The following LINGO2 variants were observed in gnomAD, a reference collection of about 807,000 sequenced individuals.
LINGO2 encodes leucine-rich repeat and immunoglobulin-like domain-containing nogo receptor-interacting protein 2.
A neutral mutation model predicts 30.6 loss-of-function variants in LINGO2; 14 were observed. The ratio of observed to expected loss-of-function variants is 0.46; its 90% CI spans 0.30 to 0.72. The LOEUF (loss-of-function observed/expected upper bound fraction) is 0.72, where lower values mean the gene tolerates loss of function less well. Among genes scored for constraint, LINGO2 ranks in the 30% least tolerant of loss-of-function variants. LINGO2 has a pLI of 0.07. For missense variants in LINGO2, 729 were observed against 751.7 expected (o/e 0.97, Z 0.35); for synonymous variants, 317 against 288.5 (o/e 1.10, Z -1.00).
the LINGO2 span, among the ~76,000 whole-genome samples, chr9:28,868,881 C>T: frequency 6.6e-6 from 1 of 151,962 alleles, no homozygotes; most frequent in Non-Finnish European, 1.5e-5. Flanking sequence ...ATTTAAGCCC[C>T]CAACTCACAA....
the LINGO2 span, among the ~76,000 whole-genome samples, chr9:29,040,828 T>C: frequency 2.8e-4 from 43 of 152,148 alleles, no homozygotes; most frequent in African/African-American, 9.6e-4. Context: ...TAGAGCCATA[T>C]GGGTAATCAT....
chr9:28,542,010 A>G (rs1379521061), intron 1 of LINGO2, among the ~76,000 whole-genome samples: 2 of 152,142 alleles, frequency 1.3e-5, no homozygotes, highest in South Asian at 2.1e-4. Context: ...GGAAGCACAC[A>G]CTAAAACAGA....
chr9:28,631,768 G>A lies in LINGO2; in HGVS notation c.-365+38432C>T, dbSNP rs189082876. Among the ~76,000 whole-genome samples, 5 of 152,116 alleles carry A rather than the reference G, an allele frequency of 3.3e-5. No individual in the cohort carries two copies. The East Asian group carries it at 9.7e-4, about 29-fold the overall frequency. On this transcript the variant is annotated intron_variant, in intron 1 of 5. Coordinates refer to ENST00000379992, the Ensembl canonical transcript of LINGO2. Reference sequence around the variant, plus strand: ...TCACTTGTGGAGGACAGTGAAATTTGGGACTTCATTCAGACTCAAATTCAT... The same window carrying A: ...TCACTTGTGGAGGACAGTGAAATTTAGGACTTCATTCAGACTCAAATTCAT...
chr9:29,126,235 C>T, the LINGO2 span, among the ~76,000 whole-genome samples: 1 of 151,408 alleles, frequency 6.6e-6, no homozygotes, highest in African/African-American at 2.4e-5. Context: ...AATTGAGTAG[C>T]CAGAACAATG....
At chr9:28,760,750 A>C in the LINGO2 span, among the ~76,000 whole-genome samples, 1 of 151,750 alleles carries the variant, frequency 6.6e-6, no homozygotes, top group Admixed American at 6.6e-5. Context: ...GAGAACACAC[A>C]ATGTTTGGTT....
chr9:28,906,300 G>A, the LINGO2 span, among the ~76,000 whole-genome samples: 1 of 151,876 alleles, frequency 6.6e-6, no homozygotes, highest in South Asian at 2.1e-4. Flanking sequence ...TAGATTTTAA[G>A]TGTGATCACT....
chr9:29,074,395 TA>T, the LINGO2 span, among the ~76,000 whole-genome samples: 8 of 152,256 alleles, frequency 5.3e-5, no homozygotes, highest in South Asian at 2.1e-4. Flanking sequence ...AACGGGCTAA[TA>T]AAAATTACTT....
chr9:28,297,554 G>A (rs1236504841), intron 3 of LINGO2, among the ~76,000 whole-genome samples: 1 of 152,136 alleles, frequency 6.6e-6, no homozygotes, highest in Non-Finnish European at 1.5e-5. Flanking sequence ...AAGATGATTA[G>A]CCTTACCTTA....
chr9:29,189,017 C>A, the LINGO2 span, among the ~76,000 whole-genome samples: 2 of 142,048 alleles, frequency 1.4e-5, no homozygotes, highest in Non-Finnish European at 3.0e-5. Flanking sequence ...GGCTGACCCC[C>A]CCACCTACCT....
At chr9:27,948,812 C>G (rs374218771) in exon 6 of LINGO2, 36 of 1,566,374 alleles carry the variant, frequency 2.3e-5, no homozygotes, top group Non-Finnish European at 7.8e-6. Context: ...TACTGATTAC[C>G]CACATTGACA....
At chr9:28,122,722 C>T (rs925658921) in intron 4 of LINGO2, among the ~76,000 whole-genome samples, 1 of 152,118 alleles carries the variant, frequency 6.6e-6, no homozygotes. Context: ...TTTCCATTTC[C>T]AAGCCACTAT....
At chr9:28,105,012 C>T (rs564665094) in intron 4 of LINGO2, among the ~76,000 whole-genome samples, 1 of 152,224 alleles carries the variant, frequency 6.6e-6, no homozygotes, top group South Asian at 2.1e-4. Flanking sequence ...TATGTACCTC[C>T]TCTGAAGAAC....
chr9:28,841,145 A>C, the LINGO2 span, among the ~76,000 whole-genome samples: 1 of 151,920 alleles, frequency 6.6e-6, no homozygotes, highest in East Asian at 1.9e-4. Flanking sequence ...TACTTATGGA[A>C]TGTTTAATTA....
chr9:27,973,509 T>A lies in LINGO2; in HGVS notation c.-35-22803A>T, dbSNP rs150594089. 1.3e-4 allele frequency among the ~76,000 whole-genome samples: 20 copies of A among 152,312 alleles called. No homozygotes were observed. In the East Asian group the frequency reaches 3.9e-3, roughly 29 times the overall value. ...GAATGGGTCAAATTCTCTTTCTGACTTAACAGCAATAGCTGTGAAACTGAA... is the reference window on the plus strand; with the variant it reads ...GAATGGGTCAAATTCTCTTTCTGACATAACAGCAATAGCTGTGAAACTGAA... On this transcript the variant is annotated intron_variant, in intron 5 of 5. Coordinates refer to ENST00000379992, the Ensembl canonical transcript of LINGO2.
At chr9:29,152,623 G>C in the LINGO2 span, among the ~76,000 whole-genome samples, 1 of 152,020 alleles carries the variant, frequency 6.6e-6, no homozygotes, top group African/African-American at 2.4e-5. Context: ...ATAAAGATGG[G>C]AACAACAGAC....
At chr9:28,635,385 G>A (rs1324338156) in intron 1 of LINGO2, among the ~76,000 whole-genome samples, 1 of 152,066 alleles carries the variant, frequency 6.6e-6, no homozygotes, top group Admixed American at 6.6e-5. Flanking sequence ...TTTAATGATG[G>A]GTGGTATCAT....
chr9:29,031,304 G>A, the LINGO2 span, among the ~76,000 whole-genome samples: 9 of 151,832 alleles, frequency 5.9e-5, no homozygotes, highest in South Asian at 1.9e-3. Flanking sequence ...TTTATTTAGA[G>A]ATGATTCTCT....
chr9:28,788,704 G>A, the LINGO2 span, among the ~76,000 whole-genome samples: 5 of 152,092 alleles, frequency 3.3e-5, no homozygotes, highest in South Asian at 6.2e-4. Context: ...AGTGAAGGTG[G>A]AAGAGCCCCT....
chr9:28,542,972 G>T (rs1165173350), intron 1 of LINGO2, among the ~76,000 whole-genome samples: 1 of 151,848 alleles, frequency 6.6e-6, no homozygotes, highest in Non-Finnish European at 1.5e-5. Flanking sequence ...GTAGGGCACA[G>T]AAAACAACAA....
Sources: allele counts gnomAD v4.1 joint callset (sites outside exome capture counted in the v4.1 genomes callset), GRCh38; gene constraint gnomAD v4.1.1; transcripts MANE v1.5; gene names NCBI Gene and HGNC (gene_info 2026-07-23, HGNC 2026-07-21).